Variants in GABRB1 observed in about 807,000 individuals in gnomAD.
GABRB1 encodes gamma-aminobutyric acid type A receptor subunit beta1.
Under a neutral mutation model 51.6 loss-of-function variants are expected in GABRB1, and 17 were observed. That is an observed-to-expected ratio of 0.33 (90% CI 0.23 to 0.49). The LOEUF is 0.49. Among genes scored for constraint, GABRB1 ranks in the 20% least tolerant of loss-of-function variants. The pLI is 0.99. For missense variants in GABRB1, 410 were observed against 600.6 expected (o/e 0.68, Z 3.32); for synonymous variants, 247 against 218.9 (o/e 1.13, Z -1.14).
intron 5 of GABRB1, among the ~76,000 whole-genome samples, chr4:47,375,088 C>T (rs1187293371): frequency 6.6e-6 from 1 of 152,210 alleles, no homozygotes; most frequent in Non-Finnish European, 1.5e-5. Context: ...GCATAATCCT[C>T]TTGAACCTAG....
chr4:47,089,320 A>G (rs1029423943), intron 3 of GABRB1, among the ~76,000 whole-genome samples: 1 of 152,178 alleles, frequency 6.6e-6, no homozygotes, highest in African/African-American at 2.4e-5. Flanking sequence ...GTTTTGCAAT[A>G]GTACCGGGAC....
intron 5 of GABRB1, among the ~76,000 whole-genome samples, chr4:47,360,290 A>G (rs1430648398): frequency 1.3e-5 from 2 of 152,082 alleles, no homozygotes; most frequent in South Asian, 4.1e-4. Context: ...AGGATTGAAA[A>G]CCTAAGAAAT....
At chr4:47,292,302 A>G (rs558334353) in intron 4 of GABRB1, among the ~76,000 whole-genome samples, 2 of 152,332 alleles carry the variant, frequency 1.3e-5, no homozygotes, top group Admixed American at 6.5e-5. Flanking sequence ...TAAGTCCAAT[A>G]AACCTCTTTC....
chr4:47,027,636 A>T (rs1188637113), upstream of GABRB1, among the ~76,000 whole-genome samples: 2 of 151,782 alleles, frequency 1.3e-5, no homozygotes, highest in African/African-American at 4.8e-5. Flanking sequence ...CACAGGTTAA[A>T]ATGACTTCTT....
At position 47,406,766 on chromosome 4, in the gene GABRB1, A is replaced by T; in HGVS notation, c.920A>T (p.Asp307Val). 1.2e-6 allele frequency: 2 copies of T among 1,614,144 alleles called. No individual in the cohort carries two copies. Among genetic ancestry groups the T allele is most frequent in the South Asian group, 2.2e-5 (2 of 91,080 alleles). ...AAGATCCCTTATGTCAAAGCGATTG[A>T]TATTTATCTGATGGGTTGCTTTGTG... ...LPKIPYVKAI[D>V]IYLMGCFVFV... The change falls in exon 8 of 9, where the codon GAT (aspartate) becomes GTT (valine). Residue 307 changes from aspartate to valine, a missense_variant. Physicochemically the swap from Asp to Val is radical, Grantham distance 152. This residue lies in a region of GABRB1 where 37 missense variants were observed against 126.3 expected (regional missense o/e 0.29). Coordinates refer to ENST00000295454, the MANE Select transcript of GABRB1 (RefSeq NM_000812.4).
intron 4 of GABRB1, among the ~76,000 whole-genome samples, chr4:47,180,852 C>T (rs1463551899): frequency 1.3e-5 from 2 of 152,034 alleles, no homozygotes; most frequent in African/African-American, 4.8e-5. Flanking sequence ...GATATTTTTA[C>T]AGATAACTTT....
chr4:47,350,754 A>C (rs1306482590), intron 5 of GABRB1, among the ~76,000 whole-genome samples: 1 of 152,152 alleles, frequency 6.6e-6, no homozygotes, highest in Non-Finnish European at 1.5e-5. Flanking sequence ...ATAAACCCTG[A>C]TGACACGATG....
At chr4:47,074,731 CA>C (rs1727477521) in intron 3 of GABRB1, among the ~76,000 whole-genome samples, 4 of 152,050 alleles carry the variant, frequency 2.6e-5, no homozygotes, top group Admixed American at 2.6e-4. Context: ...CCTTACCTAG[CA>C]TGCGAATATA....
intron 4 of GABRB1, among the ~76,000 whole-genome samples, chr4:47,250,001 G>T (rs994348875): frequency 2.0e-5 from 3 of 151,906 alleles, no homozygotes; most frequent in Admixed American, 6.6e-5. Context: ...TGGTATTTTT[G>T]TTTTTTGTTT....
chr4:47,357,692 T>C (rs1726638242), intron 5 of GABRB1, among the ~76,000 whole-genome samples: 1 of 152,190 alleles, frequency 6.6e-6, no homozygotes, highest in Non-Finnish European at 1.5e-5. Flanking sequence ...CTCAACAGTG[T>C]TGATGGTACA....
chr4:47,300,830 C>A (rs1246635535), intron 4 of GABRB1, among the ~76,000 whole-genome samples: 1 of 152,104 alleles, frequency 6.6e-6, no homozygotes, highest in Non-Finnish European at 1.5e-5. Context: ...ATACAAGATT[C>A]TTAATTGATT....
chr4:47,318,583 A>G (rs991602054), intron 4 of GABRB1, among the ~76,000 whole-genome samples: 36 of 152,100 alleles, frequency 2.4e-4, no homozygotes, highest in African/African-American at 7.9e-4. Context: ...GGGAAGAAAC[A>G]CTATCCTAGG....
rs71195627 is a variant in GABRB1, at chr4:47,354,980, G to GTTTTTTTTTT, written c.544+34787_544+34796dup. On this transcript the variant is annotated intron_variant, in intron 5 of 8. Coordinates refer to ENST00000295454, the MANE Select transcript of GABRB1 (RefSeq NM_000812.4). The stretch of plus-strand genomic sequence containing the variant: ...CCTTCCTTTCTTTCTTTCTTCCTTT[G>GTTTTTTTTTT]TTTTTTTTTTTTTTTTTTTTTTTTT... 1.8e-4 allele frequency among the ~76,000 whole-genome samples: 8 copies of GTTTTTTTTTT among 44,238 alleles called. 3 individuals are homozygous for GTTTTTTTTTT. The highest frequency in any genetic ancestry group is 7.8e-4 in the African/African-American group (8 of 10,206). 29.0% of individuals were successfully genotyped at this position (44,238 alleles called of 152,430 possible). A position where few individuals can be genotyped will look rare whatever the true frequency, so the allele number is the denominator to read the frequency against.
intron 4 of GABRB1, among the ~76,000 whole-genome samples, chr4:47,244,073 A>T (rs954532360): frequency 2.6e-5 from 4 of 152,126 alleles, no homozygotes; most frequent in Non-Finnish European, 5.9e-5. Context: ...TACCTAGTTT[A>T]TTGAGAGTTT....
intron 3 of GABRB1, among the ~76,000 whole-genome samples, chr4:47,119,290 A>G (rs954819454): frequency 3.8e-4 from 58 of 152,214 alleles, no homozygotes; most frequent in African/African-American, 1.2e-3. Flanking sequence ...TTTCAGATAT[A>G]CATAAAACCC....
chr4:47,227,506 A>T (rs74901869), intron 4 of GABRB1, among the ~76,000 whole-genome samples: 2,393 of 152,252 alleles, frequency 0.016, 67 homozygotes, highest in African/African-American at 0.055. Flanking sequence ...GAAGAATTAG[A>T]TAGAGAATCT....
chr4:47,405,335 T>C (rs572333171), intron 7 of GABRB1, among the ~76,000 whole-genome samples: 1 of 152,338 alleles, frequency 6.6e-6, no homozygotes, highest in South Asian at 2.1e-4. Flanking sequence ...AATAATCTGA[T>C]TGGAAAATGA....
At chr4:47,339,334 C>A (rs191274544) in intron 5 of GABRB1, among the ~76,000 whole-genome samples, 1 of 152,228 alleles carries the variant, frequency 6.6e-6, no homozygotes, top group African/African-American at 2.4e-5. Flanking sequence ...GACATGAAAA[C>A]CAGGCATTGA....
At chr4:47,223,173 C>T (rs1720827872) in intron 4 of GABRB1, among the ~76,000 whole-genome samples, 1 of 152,026 alleles carries the variant, frequency 6.6e-6, no homozygotes, top group African/African-American at 2.4e-5. Flanking sequence ...GTGCCCCAAA[C>T]CTCTCTGACT....
Sources: gnomAD v4.1 joint callset for allele counts (sites outside exome capture counted in the v4.1 genomes callset) on GRCh38, gnomAD v4.1.1 for gene constraint, gnomAD v4.1.1 regional missense constraint, MANE v1.5 for transcripts, NCBI Gene and HGNC (gene_info 2026-07-23, HGNC 2026-07-21) for gene names.